Variants in LIN7A observed in about 807,000 individuals in gnomAD.
LIN7A encodes the protein lin-7 cell polarity scaffold A, also known as protein lin-7 homolog A.
In LIN7A, 25 loss-of-function variants were observed where a neutral mutation model predicts 29.8. The observed-to-expected ratio is 0.84, with a 90% confidence interval of 0.61 to 1.17. The LOEUF is 1.17. LIN7A is among the 50% of genes most tolerant of loss of function. LIN7A has a pLI of 0.00. For synonymous variants in LIN7A, 118 were observed against 107.5 expected, an observed-to-expected ratio of 1.10 and a Z score of -0.60; for missense variants, 239 against 287.0, an observed-to-expected ratio of 0.83 and a Z score of 1.21.
intron 2 of LIN7A, among the ~76,000 whole-genome samples, chr12:80,869,331 G>C (rs1248851147): frequency 6.6e-6 from 1 of 152,044 alleles, no homozygotes. Context: ...ATTTCTATCT[G>C]ACTTGAGAAG....
At chr12:80,882,287 CTTTTTT>C (rs56000415) in intron 2 of LIN7A, among the ~76,000 whole-genome samples, 2 of 87,700 alleles carry the variant, frequency 2.3e-5, no homozygotes, top group African/African-American at 6.1e-5. Flanking sequence ...TTCTTTCATT[CTTTTTT>C]TTTTTTTTTG....
intron 1 of LIN7A, among the ~76,000 whole-genome samples, chr12:80,902,308 C>G (rs755108030): frequency 6.7e-6 from 1 of 149,800 alleles, no homozygotes; most frequent in Admixed American, 6.7e-5. Flanking sequence ...ATGCCTCCAG[C>G]TTTGTTCTTT....
At chr12:80,891,118 G>T (rs540203501) in intron 1 of LIN7A, among the ~76,000 whole-genome samples, 1 of 152,126 alleles carries the variant, frequency 6.6e-6, no homozygotes, top group Non-Finnish European at 1.5e-5. Context: ...TTCTATCTTG[G>T]AATTGCCTTT....
intron 4 of LIN7A, among the ~76,000 whole-genome samples, chr12:80,813,218 A>G (rs747432467): frequency 3.3e-5 from 5 of 152,140 alleles, no homozygotes; most frequent in Non-Finnish European, 7.4e-5. Flanking sequence ...TCACCATGTT[A>G]GCCAGGATGG....
intron 4 of LIN7A, among the ~76,000 whole-genome samples, chr12:80,827,483 A>G (rs1021641102): frequency 1.6e-4 from 25 of 152,194 alleles, no homozygotes; most frequent in Non-Finnish European, 2.9e-5. Flanking sequence ...AACCTGGCTC[A>G]CAGAATGTAC....
At chr12:80,923,542 A>C (rs543093177) in intron 1 of LIN7A, among the ~76,000 whole-genome samples, 3 of 152,344 alleles carry the variant, frequency 2.0e-5, no homozygotes, top group Admixed American at 6.5e-5. Flanking sequence ...GACCTTAAAA[A>C]TATATTACAT....
chr12:80,919,990 A>G (rs1409859078), intron 1 of LIN7A, among the ~76,000 whole-genome samples: 1 of 152,230 alleles, frequency 6.6e-6, no homozygotes, highest in Non-Finnish European at 1.5e-5. Context: ...ACACATGTGC[A>G]CAGTGGAGCA....
At chr12:80,865,705 C>T (rs1283327530) in intron 2 of LIN7A, among the ~76,000 whole-genome samples, 1 of 152,152 alleles carries the variant, frequency 6.6e-6, no homozygotes, top group Non-Finnish European at 1.5e-5. Context: ...CCCTCTGTAT[C>T]TCAGATGAGG....
rs569904627 is a variant in LIN7A, at chr12:80,827,737, C to G, written c.484-16054G>C. 3.3e-5 allele frequency among the ~76,000 whole-genome samples: 5 copies of G among 152,230 alleles called. No individual in the cohort carries two copies. The East Asian group carries it at 7.7e-4, about 24-fold the overall frequency. On this transcript the variant is annotated intron_variant, in intron 4 of 5. Coordinates refer to ENST00000552864, the MANE Select transcript of LIN7A (RefSeq NM_004664.4). ...CCTCCACTCTGTTTTAATAACCCCC[C>G]ACCCATCATTCAAAGCCCATCCCAA...
intron 1 of LIN7A, among the ~76,000 whole-genome samples, chr12:80,917,829 C>T (rs976680036): frequency 6.6e-6 from 1 of 152,124 alleles, no homozygotes; most frequent in Non-Finnish European, 1.5e-5. Flanking sequence ...GCCTCATTCA[C>T]GTGTTGGTTT....
At chr12:80,866,948 C>A (rs1874172761) in intron 2 of LIN7A, among the ~76,000 whole-genome samples, 2 of 152,056 alleles carry the variant, frequency 1.3e-5, no homozygotes, top group African/African-American at 2.4e-5. Flanking sequence ...ATTACTGGTT[C>A]CCATGTCTCT....
intron 2 of LIN7A, among the ~76,000 whole-genome samples, chr12:80,864,483 T>G (rs773527522): frequency 2.0e-5 from 3 of 152,192 alleles, no homozygotes; most frequent in Non-Finnish European, 4.4e-5. Context: ...GAAGTAGACA[T>G]GTGTTTTCAT....
intron 4 of LIN7A, among the ~76,000 whole-genome samples, chr12:80,842,631 T>G (rs1281454938): frequency 6.6e-6 from 1 of 151,760 alleles, no homozygotes; most frequent in African/African-American, 2.4e-5. Flanking sequence ...CATTACAGAT[T>G]TTTTTTTCAT....
chr12:80,842,132 G>A, intron 4 of LIN7A: 1 of 1,284,960 alleles, frequency 7.8e-7, no homozygotes, highest in South Asian at 1.3e-5. Flanking sequence ...TTAGAAGCTA[G>A]GAGGAAAAAA....
At chr12:80,839,525 T>A (rs902017829) in intron 4 of LIN7A, among the ~76,000 whole-genome samples, 2 of 152,244 alleles carry the variant, frequency 1.3e-5, no homozygotes, top group Non-Finnish European at 2.9e-5. Flanking sequence ...TACAAATTAC[T>A]GCCATCATTG....
chr12:80,849,642 GATA>G (rs1224942481), intron 2 of LIN7A, among the ~76,000 whole-genome samples: 1 of 152,084 alleles, frequency 6.6e-6, no homozygotes, highest in Non-Finnish European at 1.5e-5. Flanking sequence ...TCAAGCCACA[GATA>G]ATAATGCAGA....
intron 5 of LIN7A, among the ~76,000 whole-genome samples, chr12:80,798,395 A>T (rs1238991738): frequency 6.6e-6 from 1 of 152,200 alleles, no homozygotes; most frequent in African/African-American, 2.4e-5. Flanking sequence ...TATTGAAAAC[A>T]GATTTTAACA....
chr12:80,931,842 G>A (rs2120955004), intron 1 of LIN7A, among the ~76,000 whole-genome samples: 1 of 152,260 alleles, frequency 6.6e-6, no homozygotes, highest in East Asian at 1.9e-4. Flanking sequence ...CTATGGGAAG[G>A]ATTTAGGACA....
intron 4 of LIN7A, among the ~76,000 whole-genome samples, chr12:80,817,116 C>G (rs561475356): frequency 6.6e-6 from 1 of 152,278 alleles, no homozygotes; most frequent in East Asian, 1.9e-4. Context: ...AATAGTTTTA[C>G]TATTTGTATA....
Sources: gnomAD v4.1 joint callset for allele counts (sites outside exome capture counted in the v4.1 genomes callset) on GRCh38, gnomAD v4.1.1 for gene constraint, MANE v1.5 for transcripts, NCBI Gene and HGNC (gene_info 2026-07-23, HGNC 2026-07-21) for gene names.